Variants in KIAA2012 observed in about 807,000 individuals in gnomAD.
KIAA2012 encodes uncharacterized protein KIAA2012.
A neutral mutation model predicts 150.6 loss-of-function variants in KIAA2012; 125 were observed. The observed-to-expected ratio is 0.83, with a 90% CI of 0.72 to 0.96. The LOEUF (loss-of-function observed/expected upper bound fraction) is 0.96, where lower values mean the gene tolerates loss of function less well. Ranked by LOEUF, KIAA2012 falls within the 40% of genes least tolerant of loss-of-function variation. KIAA2012 has a pLI of 0.00. For synonymous variants in KIAA2012, 462 were observed against 504.7 expected (o/e 0.92, Z 1.13); for missense variants, 1,219 against 1,354.9 (o/e 0.90, Z 1.57).
intron 15 of KIAA2012, chr2:202,180,066 G>A (rs1334017070): frequency 5.1e-6 from 2 of 393,578 alleles, no homozygotes; most frequent in Non-Finnish European, 9.9e-6. Context: ...GAGGTCGGGA[G>A]TTCAAGACCA....
intron 5 of KIAA2012, among the ~76,000 whole-genome samples, chr2:202,098,539 C>T (rs73053520): frequency 6.6e-6 from 1 of 152,178 alleles, no homozygotes; most frequent in African/African-American, 2.4e-5. Context: ...ACCACAGATT[C>T]TCCCCTGACT....
At chr2:202,201,854 T>G (rs1692534839) in intron 22 of KIAA2012, 2 of 1,268,998 alleles carry the variant, frequency 1.6e-6, no homozygotes, top group Non-Finnish European at 2.3e-6. Context: ...CAGGCTAGGT[T>G]GGCTGTGTTG....
chr2:202,191,852 C>A (rs576980642), intron 19 of KIAA2012, among the ~76,000 whole-genome samples: 2 of 152,200 alleles, frequency 1.3e-5, no homozygotes, highest in Non-Finnish European at 2.9e-5. Flanking sequence ...TGATTAGCCC[C>A]ATTTTACAGA....
intron 11 of KIAA2012, among the ~76,000 whole-genome samples, chr2:202,118,333 C>T (rs1332771158): frequency 6.6e-6 from 1 of 152,182 alleles, no homozygotes; most frequent in Non-Finnish European, 1.5e-5. Context: ...GATATGGTCT[C>T]TGGGCACCCA....
At chr2:202,172,418 A>G (rs879512421) in intron 15 of KIAA2012, among the ~76,000 whole-genome samples, 3 of 152,238 alleles carry the variant, frequency 2.0e-5, no homozygotes, top group Admixed American at 6.5e-5. Context: ...ACATCACGAA[A>G]TTATGGCAGT....
chr2:202,177,762 C>T (rs1692026610), intron 15 of KIAA2012, among the ~76,000 whole-genome samples: 3 of 152,178 alleles, frequency 2.0e-5, no homozygotes, highest in Admixed American at 6.5e-5. Flanking sequence ...TTTTATTAAG[C>T]CCCACCTCCC....
At chr2:202,130,236 T>A (rs943900179) in intron 12 of KIAA2012, among the ~76,000 whole-genome samples, 2 of 152,196 alleles carry the variant, frequency 1.3e-5, no homozygotes, top group African/African-American at 4.8e-5. Flanking sequence ...AAGAACTCTC[T>A]CTCTTTTTCC....
intron 22 of KIAA2012, 143 bp from the exon 23 acceptor site, chr2:202,202,286 A>G: frequency 2.5e-6 from 1 of 403,228 alleles, no homozygotes; most frequent in Admixed American, 4.2e-5. Flanking sequence ...AATGAAGAGT[A>G]TGATCTTCCA....
intron 2 of KIAA2012, among the ~76,000 whole-genome samples, chr2:202,082,106 C>G (rs920429302): frequency 3.6e-4 from 54 of 152,100 alleles, no homozygotes; most frequent in Non-Finnish European, 6.5e-4. Flanking sequence ...GCGTGTTGAC[C>G]ATTTGTATAT....
chr2:202,157,123 C>A (rs1469674254), intron 14 of KIAA2012, among the ~76,000 whole-genome samples: 1 of 152,164 alleles, frequency 6.6e-6, no homozygotes, highest in Non-Finnish European at 1.5e-5. Context: ...ACGAAGTACA[C>A]GCTCGGTACA....
At chr2:202,108,288 A>G (rs2030490) in intron 9 of KIAA2012, among the ~76,000 whole-genome samples, 4,989 of 152,296 alleles carry the variant, frequency 0.033, 262 homozygotes, top group African/African-American at 0.11. Flanking sequence ...ATCCCTTATC[A>G]GCACGTATCT....
intron 21 of KIAA2012, 86 bp downstream of exon 21, chr2:202,194,448 A>G: frequency 1.4e-6 from 2 of 1,417,628 alleles, no homozygotes; most frequent in Non-Finnish European, 1.9e-6. Context: ...ATTTATTCCT[A>G]TCCTAGGCCT....
chr2:202,186,384 C>T (rs1013485075), intron 16 of KIAA2012, among the ~76,000 whole-genome samples: 10 of 151,928 alleles, frequency 6.6e-5, no homozygotes, highest in Admixed American at 4.6e-4. Context: ...TGGTGGTGGG[C>T]GCCTGTAATC....
intron 15 of KIAA2012, among the ~76,000 whole-genome samples, chr2:202,176,434 T>C (rs968343173): frequency 5.3e-5 from 8 of 152,142 alleles, no homozygotes; most frequent in Non-Finnish European, 1.2e-4. Context: ...TGAACTCAAG[T>C]GATCAGCCTG....
chr2:202,146,210 C>A (rs1691290717), intron 13 of KIAA2012, among the ~76,000 whole-genome samples: 1 of 152,152 alleles, frequency 6.6e-6, no homozygotes, highest in South Asian at 2.1e-4. Context: ...GCATTTAAAT[C>A]CCAACTTCTA....
At chr2:202,166,957 G>A (rs1691780191) in intron 15 of KIAA2012, among the ~76,000 whole-genome samples, 1 of 152,120 alleles carries the variant, frequency 6.6e-6, no homozygotes, top group African/African-American at 2.4e-5. Context: ...CAGATCACAA[G>A]GTCAGGAGAT....
intron 2 of KIAA2012, among the ~76,000 whole-genome samples, chr2:202,080,119 CT>C (rs1689413428): frequency 1.3e-5 from 2 of 152,168 alleles, no homozygotes; most frequent in Non-Finnish European, 2.9e-5. Flanking sequence ...CGTTTAACCC[CT>C]AGATGGCTTG....
intron 12 of KIAA2012, among the ~76,000 whole-genome samples, chr2:202,127,959 C>T (rs974280069): frequency 6.6e-6 from 1 of 151,622 alleles, no homozygotes; most frequent in African/African-American, 2.4e-5. Flanking sequence ...TAAACAACTC[C>T]CCCTCCTCCC....
At chr2:202,160,923 G>C (rs1183855592) in intron 14 of KIAA2012, among the ~76,000 whole-genome samples, 1 of 152,148 alleles carries the variant, frequency 6.6e-6, no homozygotes. Context: ...CCGCACTTCA[G>C]ACTCCTGCAG....
Sources: allele counts gnomAD v4.1 joint callset (sites outside exome capture counted in the v4.1 genomes callset), GRCh38; gene constraint gnomAD v4.1.1; transcripts MANE v1.5; gene names NCBI Gene and HGNC (gene_info 2026-07-23, HGNC 2026-07-21).